USP47: variants seen among roughly 807,000 people sequenced by gnomAD.
USP47 encodes the protein ubiquitin specific peptidase 47.
In USP47, 35 loss-of-function variants were observed where a neutral mutation model predicts 165.1. That is an observed-to-expected ratio of 0.21 (90% confidence interval 0.16 to 0.28). The LOEUF (loss-of-function observed/expected upper bound fraction) is 0.28, where lower values mean the gene tolerates loss of function less well. Ranked by LOEUF, USP47 falls within the 10% of genes least tolerant of loss-of-function variation. The pLI, the probability that USP47 is intolerant of heterozygous loss-of-function variation, is 1.00. For missense variants in USP47, 1,277 were observed against 1,607.4 expected, an observed-to-expected ratio of 0.79 and a Z score of 3.52; for synonymous variants, 531 against 544.5, an observed-to-expected ratio of 0.98 and a Z score of 0.35.
chr11:11,916,319 G>T (rs61870731), intron 8 of USP47, among the ~76,000 whole-genome samples: 2,547 of 152,192 alleles, frequency 0.017, 33 homozygotes, highest in Middle Eastern at 0.034. Context: ...ATTACATTTT[G>T]CATAATATAT....
chr11:11,847,058 T>C (rs1265097065), intron 1 of USP47, among the ~76,000 whole-genome samples: 1 of 152,158 alleles, frequency 6.6e-6, no homozygotes, highest in Non-Finnish European at 1.5e-5. Context: ...TGCAGAATTG[T>C]ATATGATTCT....
chr11:11,887,733 A>T (rs1013091501), intron 3 of USP47, among the ~76,000 whole-genome samples: 13 of 152,188 alleles, frequency 8.5e-5, no homozygotes, highest in African/African-American at 3.1e-4. Flanking sequence ...GACCTGATAG[A>T]TATCTACAGA....
intron 27 of USP47, among the ~76,000 whole-genome samples, chr11:11,955,412 C>T (rs1053652428): frequency 2.0e-5 from 3 of 152,154 alleles, no homozygotes; most frequent in Non-Finnish European, 2.9e-5. Context: ...ATGATCATTA[C>T]ATGTCATCAG....
At chr11:11,886,538 T>C (rs567516395) in intron 3 of USP47, among the ~76,000 whole-genome samples, 1 of 151,630 alleles carries the variant, frequency 6.6e-6, no homozygotes, top group Admixed American at 6.6e-5. Context: ...CAGACAAGAA[T>C]AGAGAAAAAA....
At chr11:11,939,967 C>T (rs1855351095) in intron 18 of USP47, among the ~76,000 whole-genome samples, 1 of 151,918 alleles carries the variant, frequency 6.6e-6, no homozygotes, top group African/African-American at 2.4e-5. Context: ...AAAATTTTCC[C>T]TACTAATCTT....
intron 8 of USP47, among the ~76,000 whole-genome samples, chr11:11,906,566 A>T (rs2134475542): frequency 6.6e-6 from 1 of 152,256 alleles, no homozygotes; most frequent in African/African-American, 2.4e-5. Flanking sequence ...GTCAATGGAG[A>T]TACAAAGCAA....
At chr11:11,880,881 T>C (rs1850782446) in intron 2 of USP47, among the ~76,000 whole-genome samples, 1 of 152,164 alleles carries the variant, frequency 6.6e-6, no homozygotes, top group Non-Finnish European at 1.5e-5. Flanking sequence ...GGCAACTTTT[T>C]TGTATGTTTA....
intron 1 of USP47, chr11:11,873,689 A>C (rs1850217848): frequency 2.0e-6 from 1 of 494,464 alleles, no homozygotes. Context: ...ACTTTAATTA[A>C]TACATATTTT....
At chr11:11,921,064 C>G (rs1853800052) in intron 10 of USP47, among the ~76,000 whole-genome samples, 1 of 151,782 alleles carries the variant, frequency 6.6e-6, no homozygotes, top group African/African-American at 2.4e-5. Flanking sequence ...TTTCTTCCCA[C>G]ACTTTGGCCT....
intron 1 of USP47, among the ~76,000 whole-genome samples, chr11:11,872,908 G>T (rs559463326): frequency 6.6e-6 from 1 of 152,220 alleles, no homozygotes; most frequent in East Asian, 1.9e-4. Context: ...CTATATAATG[G>T]AACACTGCAG....
At chr11:11,905,292 G>A in intron 7 of USP47, 107 bp from the exon 8 acceptor site, 1 of 595,086 alleles carries the variant, frequency 1.7e-6, no homozygotes. Flanking sequence ...GATTTTAGCT[G>A]TAAATATCAA....
At chr11:11,872,567 G>A (rs932158049) in intron 1 of USP47, among the ~76,000 whole-genome samples, 2 of 152,140 alleles carry the variant, frequency 1.3e-5, no homozygotes, top group African/African-American at 4.8e-5. Flanking sequence ...CAGGTACATG[G>A]TACAGATACA....
intron 1 of USP47, among the ~76,000 whole-genome samples, chr11:11,871,756 C>T (rs1050068230): frequency 1.3e-5 from 2 of 152,106 alleles, no homozygotes; most frequent in African/African-American, 4.8e-5. Flanking sequence ...GCTCTTTCCA[C>T]CCCTTGAACT....
In USP47 at chr11:11,879,819, C is replaced by T. The variant is rs556803150; in HGVS notation, c.40-358C>T. 4.6e-5 allele frequency among the ~76,000 whole-genome samples: 7 copies of T among 152,084 alleles called. No homozygotes were observed. In the South Asian group the frequency reaches 1.5e-3, roughly 32 times the overall value. On this transcript the variant is annotated intron_variant, in intron 1 of 27. Coordinates refer to ENST00000527733, the MANE Select transcript of USP47 (RefSeq NM_001282659.2). The stretch of plus-strand genomic sequence containing the variant: ...GACTGTGGCTAGCATGGTAATGACA[C>T]ATTTTTTAAGGATCAGATTTTATAA...
rs1218267444 is a variant in USP47, at chr11:11,958,961, C to T, written c.*2786C>T. 2 of 152,150 alleles carry T rather than the reference C, an allele frequency of 1.3e-5. No homozygotes were observed. The highest frequency in any genetic ancestry group is 4.8e-5 in the African/African-American group (2 of 41,414). 9.4% of individuals were successfully genotyped at this position (152,150 alleles called of 1,614,324 possible). ...TCAGAAAATAATCCAATGAAATAAGCATTGGTTGCCAGGCCACAGTTAGGA... is the reference window on the plus strand; with the variant it reads ...TCAGAAAATAATCCAATGAAATAAGTATTGGTTGCCAGGCCACAGTTAGGA... On this transcript the variant is annotated 3_prime_UTR_variant, in exon 28 of 28. Transcript: ENST00000527733.
chr11:11,859,180 C>CT lies in USP47; in HGVS notation c.39+16959dup, dbSNP rs151334130. 8.7e-3 allele frequency among the ~76,000 whole-genome samples: 1,322 copies of CT among 152,168 alleles called. 18 individuals carry two copies. The highest frequency in any genetic ancestry group is 0.026 in the South Asian group (123 of 4,820). On this transcript the variant is annotated intron_variant, in intron 1 of 27. Transcript: ENST00000527733. Reference sequence around the variant, plus strand: ...TTTTTATTAAGCTTAATCCAGCATCCTTTATGTATTACATATTTAAGGTTT... The same window carrying CT: ...TTTTTATTAAGCTTAATCCAGCATCCTTTTATGTATTACATATTTAAGGTTT...
chr11:11,909,788 G>GA (rs1852831998), intron 8 of USP47, among the ~76,000 whole-genome samples: 1 of 152,166 alleles, frequency 6.6e-6, no homozygotes, highest in Admixed American at 6.5e-5. Context: ...TAAAAGACTT[G>GA]TTTCCTAAGT....
chr11:11,936,566 G>GTTTT, intron 17 of USP47, 56 bp downstream of exon 17: 1 of 1,107,794 alleles, frequency 9.0e-7, no homozygotes, highest in Non-Finnish European at 1.2e-6. Flanking sequence ...TCATGAGAAA[G>GTTTT]TTTTTTTTTT....
intron 1 of USP47, among the ~76,000 whole-genome samples, chr11:11,868,249 G>A (rs1011989052): frequency 6.6e-6 from 1 of 152,074 alleles, no homozygotes; most frequent in African/African-American, 2.4e-5. Flanking sequence ...TTCACCACAA[G>A]GATCCCTCAT....
Sources: gnomAD v4.1 joint callset for allele counts (sites outside exome capture counted in the v4.1 genomes callset) on GRCh38, gnomAD v4.1.1 for gene constraint, MANE v1.5 for transcripts, NCBI Gene and HGNC (gene_info 2026-07-23, HGNC 2026-07-21) for gene names.